RAD54L2: variants seen among roughly 807,000 people sequenced by gnomAD.
RAD54L2 encodes RAD54 like 2.
Under a neutral mutation model 138.4 loss-of-function variants are expected in RAD54L2, and 27 were observed. That is an observed-to-expected ratio of 0.20 (90% CI 0.14 to 0.27). The LOEUF (loss-of-function observed/expected upper bound fraction) is 0.27, where lower values mean the gene tolerates loss of function less well. RAD54L2 is among the 10% of genes least tolerant of loss of function. RAD54L2 has a pLI of 1.00. For missense variants in RAD54L2, 1,396 were observed against 1,890.2 expected (o/e 0.74, Z 4.85); for synonymous variants, 644 against 723.2 (o/e 0.89, Z 1.76).
At chr3:51,564,832 AAGTT>A (rs768404604) in intron 2 of RAD54L2, among the ~76,000 whole-genome samples, 28 of 152,184 alleles carry the variant, frequency 1.8e-4, no homozygotes, top group Non-Finnish European at 3.4e-4. Context: ...ATAGGGGAAA[AAGTT>A]AAGAGAGAGC....
chr3:51,649,511 T>G (rs1315155826), intron 19 of RAD54L2, among the ~76,000 whole-genome samples: 1 of 151,974 alleles, frequency 6.6e-6, no homozygotes, highest in Non-Finnish European at 1.5e-5. Context: ...TCACCAAGGT[T>G]GAAAGGAAGG....
intron 3 of RAD54L2, among the ~76,000 whole-genome samples, chr3:51,615,075 G>A (rs1311439093): frequency 6.6e-6 from 1 of 151,956 alleles, no homozygotes; most frequent in African/African-American, 2.4e-5. Flanking sequence ...GTGCAATGGC[G>A]TGATCTTGGC....
At chr3:51,544,824 C>G (rs781990239) in intron 2 of RAD54L2, among the ~76,000 whole-genome samples, 14 of 152,120 alleles carry the variant, frequency 9.2e-5, no homozygotes, top group Non-Finnish European at 1.9e-4. Context: ...TGGTCTTGAA[C>G]TTCTGACCTC....
At chr3:51,547,956 A>G (rs151276923) in intron 2 of RAD54L2, among the ~76,000 whole-genome samples, 1 of 151,940 alleles carries the variant, frequency 6.6e-6, no homozygotes, top group African/African-American at 2.4e-5. Context: ...CAGTGGTACG[A>G]TCTCGGCTCC....
chr3:51,564,241 C>T (rs531278281), intron 2 of RAD54L2, among the ~76,000 whole-genome samples: 1 of 152,194 alleles, frequency 6.6e-6, no homozygotes, highest in African/African-American at 2.4e-5. Flanking sequence ...ACAGGGAGTG[C>T]TTCACTTTGG....
At position 51,645,666 on chromosome 3, in the gene RAD54L2, A is replaced by C; in HGVS notation, c.2732A>C (p.Glu911Ala). ...GTGGAAAACCTACTGCACTTTGTTG[A>C]GAAGGAGCCAGCTCCCCAAGTTTCC... ...KEVENLLHFV[E>A]KEPAPQVSLN... The change falls in exon 18 of 23, where the codon GAG (glutamate) becomes GCG (alanine). Residue 911 changes from glutamate to alanine, a missense_variant. Glu to Ala is a moderately radical substitution (Grantham distance 107). Around this residue, in one of 7 missense-constraint regions of RAD54L2, gnomAD observed 78 missense variants for 171.6 expected, o/e 0.45. Coordinates refer to ENST00000684192, the MANE Select transcript of RAD54L2 (RefSeq NM_015106.4). The surrounding 1 kb of genome is among the most constrained non-coding windows in gnomAD (Gnocchi z 6.1). 6.2e-7 allele frequency: 1 copy of C among 1,612,350 alleles called. No homozygotes were observed. The highest frequency in any genetic ancestry group is 1.1e-5 in the South Asian group (1 of 90,504).
At position 51,657,724 on chromosome 3, in the gene RAD54L2, G is replaced by A. The variant is rs951675170; in HGVS notation, c.3316+55G>A. 6 of 1,251,610 alleles carry A rather than the reference G, an allele frequency of 4.8e-6. No individual in the cohort carries two copies. In the African/African-American group the frequency reaches 7.5e-5, roughly 16 times the overall value. The allele number at this position is 1,251,610 out of a possible 1,614,324, so 77.5% of individuals were successfully genotyped here. ...GCCTTTGGTTGAGAGTGCTGGGCTG[G>A]GAAGAAGAATAAATACATATGACTT... On this transcript the variant is annotated intron_variant, in intron 21 of 22. Coordinates refer to ENST00000684192, the MANE Select transcript of RAD54L2 (RefSeq NM_015106.4).
chr3:51,631,001 G>T lies in RAD54L2; in HGVS notation c.825+70G>T, dbSNP rs1559643832. On this transcript the variant is annotated intron_variant, in intron 7 of 22. Coordinates refer to ENST00000684192, the MANE Select transcript of RAD54L2 (RefSeq NM_015106.4). ...TTGTTGTGAACATTGCCTGCTGGTG[G>T]TTATTAGCGTCACAGCCTGTGAAGT... The T allele has an allele frequency of 2.8e-6, 4 of 1,444,406 alleles. No homozygotes were observed. The South Asian group carries it at 3.7e-5, about 13-fold the overall frequency. 89.5% of individuals were successfully genotyped at this position (1,444,406 alleles called of 1,614,324 possible). A position where few individuals can be genotyped will look rare whatever the true frequency, so the allele number is the denominator to read the frequency against.
intron 3 of RAD54L2, among the ~76,000 whole-genome samples, chr3:51,621,015 TA>T (rs1043085630): frequency 9.5e-5 from 14 of 147,636 alleles, no homozygotes; most frequent in South Asian, 2.1e-4. Flanking sequence ...GTTCAGAAGG[TA>T]AAAAAAAAAC....
At chr3:51,614,724 G>T (rs1032707838) in intron 3 of RAD54L2, among the ~76,000 whole-genome samples, 1 of 152,024 alleles carries the variant, frequency 6.6e-6, no homozygotes, top group African/African-American at 2.4e-5. Context: ...TGTTGCCTGG[G>T]CTGGTCTTGA....
At chr3:51,557,249 G>A (rs9866430) in intron 2 of RAD54L2, among the ~76,000 whole-genome samples, 111,959 of 145,338 alleles carry the variant, frequency 0.77, 43,421 homozygotes, top group Middle Eastern at 0.85. Context: ...GCATGCAGTG[G>A]CATGGCTCAC....
At chr3:51,657,517 A>G (rs1463409072) in intron 20 of RAD54L2, 63 bp from the exon 21 acceptor site, 6 of 1,171,150 alleles carry the variant, frequency 5.1e-6, no homozygotes, top group South Asian at 2.6e-5. Flanking sequence ...GGACTTTGCA[A>G]TTTTCCCCCC....
chr3:51,594,911 A>C (rs1018898253), intron 3 of RAD54L2, among the ~76,000 whole-genome samples: 1 of 116,586 alleles, frequency 8.6e-6, no homozygotes, highest in African/African-American at 3.5e-5. Flanking sequence ...TCGCTCTGTC[A>C]TCCAGGCTGG....
intron 3 of RAD54L2, among the ~76,000 whole-genome samples, chr3:51,599,560 C>CT (rs1050378223): frequency 3.3e-5 from 5 of 151,224 alleles, no homozygotes; most frequent in Non-Finnish European, 5.9e-5. Context: ...CTTTTCTTTT[C>CT]TTTTTTTTGG....
chr3:51,598,877 C>T (rs1700026558), intron 3 of RAD54L2, among the ~76,000 whole-genome samples: 1 of 152,130 alleles, frequency 6.6e-6, no homozygotes, highest in African/African-American at 2.4e-5. Context: ...CTTCCCCCAT[C>T]CCTTACCCTA....
intron 2 of RAD54L2, among the ~76,000 whole-genome samples, chr3:51,567,188 G>C (rs1699236868): frequency 6.6e-6 from 1 of 152,114 alleles, no homozygotes; most frequent in African/African-American, 2.4e-5. Context: ...TTTTCAGTTT[G>C]TTTTTCATTC....
Position 51,637,371 on chromosome 3 carries a change from G to A in RAD54L2, c.1550G>A (p.Arg517Gln), listed in dbSNP as rs748759565. ...DFVRPDFLGT[R>Q]QEFSNMFERP... ...GTGCGCCCAGACTTCCTTGGCACCC[G>A]GCAGGAGTTCAGCAACATGTTTGAA... The change falls in exon 11 of 23, where the codon CGG becomes CAG. Residue 517 changes from arginine (R) to glutamine (Q), a missense_variant. Physicochemically the swap from Arg to Gln is conservative, Grantham distance 43 (BLOSUM62 1). Coordinates refer to ENST00000684192, the MANE Select transcript of RAD54L2 (RefSeq NM_015106.4). The surrounding 1 kb of genome is among the most constrained non-coding windows in gnomAD (Gnocchi z 5.9). 8 of 1,613,566 alleles carry A rather than the reference G, an allele frequency of 5.0e-6. No homozygotes were observed. Among genetic ancestry groups the A allele is most frequent in the South Asian group, 1.1e-5 (1 of 90,966 alleles).
chr3:51,555,432 G>A (rs1698938333), intron 2 of RAD54L2, among the ~76,000 whole-genome samples: 2 of 151,598 alleles, frequency 1.3e-5, no homozygotes, highest in African/African-American at 4.8e-5. Flanking sequence ...GGCCAATATG[G>A]TGAAACCCTG....
Position 51,662,926 on chromosome 3 carries a change from A to C in RAD54L2, c.3910A>C (p.Asn1304His). 1 of 1,613,450 alleles carries C rather than the reference A, an allele frequency of 6.2e-7. No homozygotes were observed. The highest frequency in any genetic ancestry group is 8.5e-7 in the Non-Finnish European group (1 of 1,179,750). ...CATGCCACCCGTCTCCTTAAACCAT[A>C]ACCTCACCACCCCCTTCACCTCCCA... ...FAMPPVSLNH[N>H]LTTPFTSQAG... Residue 1304 changes from asparagine (N) to histidine (H), a missense_variant, in exon 23 of 23, where the codon AAC becomes CAC. Around this residue, in one of 7 missense-constraint regions of RAD54L2, gnomAD observed 634 missense variants for 711.2 expected, o/e 0.89. Coordinates refer to ENST00000684192, the MANE Select transcript of RAD54L2 (RefSeq NM_015106.4). This position sits in a 1 kb window ranked among gnomAD's most constrained non-coding sequence, Gnocchi z 4.6.
Sources: gnomAD v4.1 joint callset for allele counts (sites outside exome capture counted in the v4.1 genomes callset) on GRCh38, gnomAD v4.1.1 for gene constraint, gnomAD v4.1.1 regional missense constraint, Gnocchi (gnomAD v3.1) non-coding constraint, MANE v1.5 for transcripts, NCBI Gene and HGNC (gene_info 2026-07-23, HGNC 2026-07-21) for gene names.